NEK11: variants seen among roughly 807,000 people sequenced by gnomAD.
NEK11 encodes serine/threonine-protein kinase Nek11.
A neutral mutation model predicts 80.7 loss-of-function variants in NEK11; 72 were observed. That is an observed-to-expected ratio of 0.89 (90% CI 0.74 to 1.08). NEK11 has a LOEUF of 1.08. Among genes scored for constraint, NEK11 ranks in the 50% least tolerant of loss-of-function variants. The pLI is 0.00. For missense variants in NEK11, 764 were observed against 763.6 expected (o/e 1.00, Z -0.01); for synonymous variants, 251 against 260.7 (o/e 0.96, Z 0.36).
At chr3:131,150,484 T>A (rs904777557) in intron 7 of NEK11, among the ~76,000 whole-genome samples, 3 of 152,176 alleles carry the variant, frequency 2.0e-5, no homozygotes, top group African/African-American at 7.2e-5. Flanking sequence ...TGTTTTATAT[T>A]CCTGGTGGTT....
intron 5 of NEK11, among the ~76,000 whole-genome samples, chr3:131,120,244 G>T (rs140678413): frequency 1.3e-5 from 2 of 152,146 alleles, no homozygotes; most frequent in Admixed American, 6.5e-5. Context: ...ATGAAGCTTA[G>T]TTTGGCTGGA....
intron 3 of NEK11, among the ~76,000 whole-genome samples, chr3:131,063,332 A>C (rs2071267984): frequency 1.3e-5 from 2 of 152,148 alleles, no homozygotes; most frequent in Admixed American, 1.3e-4. Context: ...GCCTGAATGG[A>C]GCTTTTACGT....
intron 7 of NEK11, among the ~76,000 whole-genome samples, chr3:131,141,269 T>G (rs2086837790): frequency 6.6e-6 from 1 of 152,168 alleles, no homozygotes; most frequent in Non-Finnish European, 1.5e-5. Context: ...TATTCTGATG[T>G]ATAAAGCAGA....
chr3:131,235,871 A>AT (rs2095422473), intron 15 of NEK11, among the ~76,000 whole-genome samples: 1 of 152,222 alleles, frequency 6.6e-6, no homozygotes, highest in Non-Finnish European at 1.5e-5. Context: ...TGGAGTAAGT[A>AT]TAGAACTTAA....
intron 6 of NEK11, 96 bp downstream of exon 6, chr3:131,132,905 G>A (rs2084794713): frequency 1.7e-6 from 1 of 586,742 alleles, no homozygotes; most frequent in Non-Finnish European, 3.0e-6. Context: ...GGAAGTATTA[G>A]AGTAATCATT....
chr3:131,315,279 C>G (rs1229934533), intron 17 of NEK11, among the ~76,000 whole-genome samples: 2 of 152,146 alleles, frequency 1.3e-5, no homozygotes, highest in African/African-American at 4.8e-5. Context: ...TAATCCCTCC[C>G]CCCAACAGCC....
At position 131,218,579 on chromosome 3, in the gene NEK11, A is replaced by G. The variant is rs143437665; in HGVS notation, c.1400-9949A>G. Among the ~76,000 whole-genome samples the G allele has an allele frequency of 1.4e-4, 21 of 152,276 alleles. No homozygotes were observed. The East Asian group carries it at 1.9e-3, about 14-fold the overall frequency. On this transcript the variant is annotated intron_variant, in intron 14 of 17. Coordinates refer to ENST00000383366, the MANE Select transcript of NEK11 (RefSeq NM_024800.5). Reference sequence around the variant, plus strand: ...CTTCACTGAGTCCCCGCTAAAAGCCATATGTTGGAGCCCTAACCCCCAGTA... The same window carrying G: ...CTTCACTGAGTCCCCGCTAAAAGCCGTATGTTGGAGCCCTAACCCCCAGTA...
intron 16 of NEK11, among the ~76,000 whole-genome samples, chr3:131,269,126 C>T (rs2096124897): frequency 6.6e-6 from 1 of 152,252 alleles, no homozygotes; most frequent in South Asian, 2.1e-4. Context: ...CCCCACCAAG[C>T]TTGAGCATCC....
intron 4 of NEK11, among the ~76,000 whole-genome samples, chr3:131,096,419 A>G (rs2077440674): frequency 6.6e-6 from 1 of 151,968 alleles, no homozygotes; most frequent in Non-Finnish European, 1.5e-5. Flanking sequence ...TCTTTATCCA[A>G]TCAATGATTG....
intron 17 of NEK11, among the ~76,000 whole-genome samples, chr3:131,340,131 A>G (rs556150891): frequency 4.6e-5 from 7 of 152,330 alleles, no homozygotes; most frequent in African/African-American, 1.7e-4. Context: ...ACAGAATCAG[A>G]TCTATTAATG....
At chr3:131,040,247 A>G (rs1219341708) in intron 3 of NEK11, among the ~76,000 whole-genome samples, 1 of 152,108 alleles carries the variant, frequency 6.6e-6, no homozygotes, top group African/African-American at 2.4e-5. Flanking sequence ...TTGACATGCT[A>G]TAGAACATAC....
At chr3:131,236,954 T>C (rs547614723) in intron 15 of NEK11, among the ~76,000 whole-genome samples, 2 of 152,210 alleles carry the variant, frequency 1.3e-5, no homozygotes, top group Non-Finnish European at 2.9e-5. Context: ...CCTTGGTGTT[T>C]TGGTTTCTGT....
chr3:131,347,062 C>T, intron 17 of NEK11, among the ~76,000 whole-genome samples: 1 of 152,072 alleles, frequency 6.6e-6, no homozygotes, highest in East Asian at 1.9e-4. Flanking sequence ...AAAAGAAACA[C>T]CTGGATTTTG....
intron 14 of NEK11, among the ~76,000 whole-genome samples, chr3:131,195,817 TATAA>T (rs1039519837): frequency 5.8e-5 from 8 of 137,888 alleles, no homozygotes; most frequent in Non-Finnish European, 1.1e-4. Flanking sequence ...TATATATATA[TATAA>T]AATTGAAGAA....
At chr3:131,156,990 G>T (rs1197503829) in intron 10 of NEK11, among the ~76,000 whole-genome samples, 1 of 151,654 alleles carries the variant, frequency 6.6e-6, no homozygotes, top group Non-Finnish European at 1.5e-5. Context: ...GGGATCTGCT[G>T]GGAGGAGGAT....
At chr3:131,140,799 A>G (rs952085896) in intron 7 of NEK11, among the ~76,000 whole-genome samples, 2 of 152,222 alleles carry the variant, frequency 1.3e-5, no homozygotes, top group African/African-American at 4.8e-5. Context: ...GAGAACTTCC[A>G]GACCAGCAAC....
chr3:131,212,482 C>A (rs1339234414), intron 14 of NEK11, among the ~76,000 whole-genome samples: 1 of 152,178 alleles, frequency 6.6e-6, no homozygotes, highest in Non-Finnish European at 1.5e-5. Flanking sequence ...ATTCTCAGAT[C>A]TCAAACTCCG....
At chr3:131,101,780 T>G (rs1488663474) in intron 4 of NEK11, among the ~76,000 whole-genome samples, 5 of 152,192 alleles carry the variant, frequency 3.3e-5, no homozygotes, top group African/African-American at 4.8e-5. Context: ...TCTTTGTTAG[T>G]TTTCTGCCTT....
chr3:131,215,266 C>A lies in NEK11; in HGVS notation c.1400-13262C>A, dbSNP rs13096208. Among the ~76,000 whole-genome samples, 490 of 109,174 alleles carry A rather than the reference C, an allele frequency of 4.5e-3. 2 individuals carry two copies. Among genetic ancestry groups the A allele is most frequent in the Middle Eastern group, 7.5e-3 (1 of 134 alleles). 71.6% of individuals were successfully genotyped at this position (109,174 alleles called of 152,430 possible). On this transcript the variant is annotated intron_variant, in intron 14 of 17. Transcript: ENST00000383366. Reference sequence around the variant, plus strand: ...GGAAGGGGAACATCACACACCGGGGCCTGTTGTGGGGCGGGGGGAGGGGGA... The same window carrying A: ...GGAAGGGGAACATCACACACCGGGGACTGTTGTGGGGCGGGGGGAGGGGGA...
Sources: allele counts gnomAD v4.1 joint callset (sites outside exome capture counted in the v4.1 genomes callset), GRCh38; gene constraint gnomAD v4.1.1; transcripts MANE v1.5; gene names NCBI Gene and HGNC (gene_info 2026-07-23, HGNC 2026-07-21).